Variants in TRMT44 observed in about 807,000 individuals in gnomAD.
The protein encoded by TRMT44 is probable tRNA (uracil-O(2)-)-methyltransferase.
Under a neutral mutation model 77.3 loss-of-function variants are expected in TRMT44, and 78 were observed. That is an observed-to-expected ratio of 1.01 (90% CI 0.84 to 1.22). The LOEUF is 1.22. Ranked by LOEUF, TRMT44 falls within the 50% of genes most tolerant of loss-of-function variation. The pLI is 0.00. For synonymous variants in TRMT44, 391 were observed against 383.3 expected, an observed-to-expected ratio of 1.02 and a Z score of -0.23; for missense variants, 1,090 against 964.4, an observed-to-expected ratio of 1.13 and a Z score of -1.73.
chr4:8,482,975 G>T lies in TRMT44; in HGVS notation n.3891+3442G>T, dbSNP rs558891988. On this transcript the variant is annotated intron_variant and non_coding_transcript_variant, in intron 2 of 2. Transcript: ENST00000511366. ...GGCTGCTTCGAGTGGGATGAGGGGCGGTGTGGGAACCTAGAGTGGGAGAGA... is the reference window on the plus strand; with the variant it reads ...GGCTGCTTCGAGTGGGATGAGGGGCTGTGTGGGAACCTAGAGTGGGAGAGA... 1.2e-4 allele frequency among the ~76,000 whole-genome samples: 18 copies of T among 152,246 alleles called. 1 individual carries two copies. The highest frequency in any genetic ancestry group is 2.9e-4 in the African/African-American group (12 of 41,524).
chr4:8,449,957 T>TA, intron 3 of TRMT44, 69 bp downstream of exon 3: 1 of 722,924 alleles, frequency 1.4e-6, no homozygotes, highest in Non-Finnish European at 2.0e-6. Context: ...TTCTTTTTTT[T>TA]TTTTTTTTTT....
chr4:8,493,716 A>G (rs924133091), downstream of TRMT44, among the ~76,000 whole-genome samples: 6 of 151,954 alleles, frequency 3.9e-5, no homozygotes, highest in African/African-American at 1.4e-4. Flanking sequence ...AGCGCAGCGG[A>G]TCCTTTTGGC....
intron 10 of TRMT44, among the ~76,000 whole-genome samples, chr4:8,472,762 G>A (rs1016730224): frequency 2.0e-5 from 3 of 152,170 alleles, no homozygotes; most frequent in African/African-American, 7.2e-5. Flanking sequence ...GTAGACACTG[G>A]GCCTGCAGTG....
At chr4:8,505,501 C>A in the TRMT44 span, among the ~76,000 whole-genome samples, 6 of 152,210 alleles carry the variant, frequency 3.9e-5, no homozygotes, top group African/African-American at 1.4e-4. Context: ...TCCTCCGTGG[C>A]CCTGGACAGG....
At chr4:8,489,088 C>T (rs76750109) in intron 2 of TRMT44, among the ~76,000 whole-genome samples, 24 of 152,318 alleles carry the variant, frequency 1.6e-4, no homozygotes, top group Admixed American at 3.3e-4. Flanking sequence ...CTGTGTCATC[C>T]GGCAACTCAG....
chr4:8,464,927 A>C (rs1054973473), intron 7 of TRMT44, among the ~76,000 whole-genome samples: 2 of 152,248 alleles, frequency 1.3e-5, no homozygotes, highest in Non-Finnish European at 2.9e-5. Context: ...CATGGGGTGC[A>C]GCTGGAGGCC....
intron 5 of TRMT44, 121 bp from the exon 6 acceptor site, chr4:8,454,621 C>A (rs2109114906): frequency 1.1e-6 from 1 of 874,902 alleles, no homozygotes; most frequent in Non-Finnish European, 1.8e-6. Context: ...GAGTTGCTGG[C>A]AGGAAGCTCT....
chr4:8,488,644 C>T (rs1270751258), intron 2 of TRMT44, among the ~76,000 whole-genome samples: 2 of 152,212 alleles, frequency 1.3e-5, no homozygotes, highest in African/African-American at 4.8e-5. Flanking sequence ...TACTTCAGGC[C>T]ATCTGGGCAT....
At chr4:8,445,891 T>G (rs1419281104) in intron 1 of TRMT44, among the ~76,000 whole-genome samples, 1 of 152,190 alleles carries the variant, frequency 6.6e-6, no homozygotes, top group Non-Finnish European at 1.5e-5. Context: ...AGATAGAACT[T>G]TATACAACCA....
chr4:8,505,064 TC>T, the TRMT44 span, among the ~76,000 whole-genome samples: 1 of 152,210 alleles, frequency 6.6e-6, no homozygotes, highest in South Asian at 2.1e-4. Context: ...AGCTGATCTG[TC>T]CTTTCTCCTG....
rs1339320282 is a variant in TRMT44, at chr4:8,440,821, C to T, written c.-2C>T. The T allele has an allele frequency of 8.9e-6, 13 of 1,452,794 alleles. No homozygotes were observed. The highest frequency in any genetic ancestry group is 2.8e-5 in the East Asian group (1 of 36,148). The allele number at this position is 1,452,794 out of a possible 1,614,324, so 90.0% of individuals were successfully genotyped here. ...GCCAGGGCTGTACACCTGCTGGCTGCCATGGCTGAGGTGGGCCGTACCGGG... is the reference window on the plus strand; with the variant it reads ...GCCAGGGCTGTACACCTGCTGGCTGTCATGGCTGAGGTGGGCCGTACCGGG... On this transcript the variant is annotated 5_prime_UTR_variant, in exon 1 of 11. Coordinates refer to ENST00000389737, the MANE Select transcript of TRMT44 (RefSeq NM_152544.3).
chr4:8,474,403 C>T (rs752000186), intron 10 of TRMT44, among the ~76,000 whole-genome samples: 28 of 152,004 alleles, frequency 1.8e-4, no homozygotes, highest in Non-Finnish European at 3.8e-4. Flanking sequence ...TGTTGGGAGG[C>T]GAGACAGAGA....
At chr4:8,449,096 T>C (rs1452843594) in intron 2 of TRMT44, among the ~76,000 whole-genome samples, 2 of 152,202 alleles carry the variant, frequency 1.3e-5, no homozygotes, top group Non-Finnish European at 1.5e-5. Context: ...AATGCATCCA[T>C]GAACAGTGCC....
the TRMT44 span, among the ~76,000 whole-genome samples, chr4:8,514,604 A>G: frequency 1.1e-4 from 17 of 152,062 alleles, no homozygotes; most frequent in East Asian, 3.3e-3. Context: ...CAGCCAGGCG[A>G]AAGCATTTGT....
In TRMT44 at chr4:8,461,445, T is replaced by C. The variant is rs1230546258; in HGVS notation, c.1204-2540T>C. On this transcript the variant is annotated intron_variant, in intron 6 of 10. Transcript: ENST00000389737. This position sits in a 1 kb window ranked among gnomAD's most constrained non-coding sequence, Gnocchi z 4.6. ...TGTGTCCCCAGGTGAAAAAGCACCTTTGGGTAGGAAATTCAAGCAGCAGTG... is the reference window on the plus strand; with the variant it reads ...TGTGTCCCCAGGTGAAAAAGCACCTCTGGGTAGGAAATTCAAGCAGCAGTG... 6.6e-6 allele frequency among the ~76,000 whole-genome samples: 1 copy of C among 151,960 alleles called. No individual in the cohort carries two copies. The highest frequency in any genetic ancestry group is 1.9e-4 in the East Asian group (1 of 5,178).
chr4:8,491,409 G>A (rs143563940), intron 2 of TRMT44, among the ~76,000 whole-genome samples: 3,409 of 152,310 alleles, frequency 0.022, 269 homozygotes, highest in Admixed American at 0.15. Flanking sequence ...CTGTGCGCTC[G>A]CACTCCTCAG....
In TRMT44 at chr4:8,468,006, C is replaced by A; in HGVS notation, c.1587C>A (p.Gly529=). The change falls in exon 9 of 11, where the codon GGC becomes GGA. Residue 529 remains glycine, a synonymous_variant. Coordinates refer to ENST00000389737, the MANE Select transcript of TRMT44 (RefSeq NM_152544.3). The part of the protein sequence containing the change: ...KRTQYIKSRR[G]CPVSPPGWEL... ...CTCAGTACATTAAGAGCAGGCGGGGCTGCCCTGTAAGCCCACCTGGCTGGG... is the reference window on the plus strand; with the variant it reads ...CTCAGTACATTAAGAGCAGGCGGGGATGCCCTGTAAGCCCACCTGGCTGGG... The A allele has an allele frequency of 6.2e-7, 1 of 1,614,092 alleles. No individual in the cohort carries two copies. Among genetic ancestry groups the A allele is most frequent in the Non-Finnish European group, 8.5e-7 (1 of 1,180,040 alleles).
intron 1 of TRMT44, among the ~76,000 whole-genome samples, chr4:8,442,753 T>A (rs1724830551): frequency 6.6e-6 from 1 of 152,238 alleles, no homozygotes; most frequent in Non-Finnish European, 1.5e-5. Context: ...TCTGGTTCTT[T>A]CATGCAGCTT....
chr4:8,450,003 A>G (rs1420377573), intron 3 of TRMT44, 115 bp downstream of exon 3: 7 of 617,106 alleles, frequency 1.1e-5, no homozygotes, highest in Middle Eastern at 4.9e-4. Flanking sequence ...CACCCCCCCA[A>G]AAAAAAGGGC....
Sources: allele counts gnomAD v4.1 joint callset (sites outside exome capture counted in the v4.1 genomes callset), GRCh38; gene constraint gnomAD v4.1.1; non-coding constraint Gnocchi (gnomAD v3.1); transcripts MANE v1.5; gene names NCBI Gene and HGNC (gene_info 2026-07-23, HGNC 2026-07-21).